The following CDKL5 variants were observed in gnomAD, a reference collection of about 807,000 sequenced individuals.
CDKL5 encodes cyclin dependent kinase like 5, also known as cyclin-dependent kinase-like 5.
A neutral mutation model predicts 61.7 loss-of-function variants in CDKL5; 8 were observed. The ratio of observed to expected loss-of-function variants is 0.13; its 90% CI spans 0.08 to 0.23. The LOEUF (loss-of-function observed/expected upper bound fraction) is 0.23. Among genes scored for constraint, CDKL5 ranks in the 10% least tolerant of loss-of-function variants. CDKL5 has a pLI of 1.00. For synonymous variants in CDKL5, 275 were observed against 272.3 expected, an observed-to-expected ratio of 1.01 and a Z score of -0.10; for missense variants, 440 against 734.5, an observed-to-expected ratio of 0.60 and a Z score of 4.63.
Position 18,629,657 on chromosome X carries a change from G to T in CDKL5, c.*900G>T, listed in dbSNP as rs141675316. 1.8e-3 allele frequency: 1,374 copies of T among 752,217 alleles called. 1 individual carries two copies. The highest frequency in any genetic ancestry group is 2.0e-3 in the Non-Finnish European group (1,285 of 639,072). The allele number at this position is 752,217 out of a possible 1,213,427, so 62.0% of individuals were successfully genotyped here. ...TTTGAGGCCCCAGCAGTAGCCTCTA[G>T]ACATGATCCTTGGTAGCAGACGAGA... On this transcript the variant is annotated 3_prime_UTR_variant, in exon 18 of 18. Transcript: ENST00000623535.
At position 18,548,640 on chromosome X, in the gene CDKL5, A is replaced by T. The variant is rs1924280814; in HGVS notation, c.100-15837A>T. Among the ~76,000 whole-genome samples, 3 of 112,463 alleles carry T rather than the reference A, an allele frequency of 2.7e-5. No homozygotes were observed. The South Asian group carries it at 1.1e-3, about 41-fold the overall frequency. ...TGCTTTGTGAGCACATCTATCAGAA[A>T]GTGTGGTCACAGGATTTCTAGAGAT... On this transcript the variant is annotated intron_variant, in intron 3 of 17. Coordinates refer to ENST00000623535, the MANE Select transcript of CDKL5 (RefSeq NM_001323289.2).
intron 1 of CDKL5, among the ~76,000 whole-genome samples, chrX:18,473,782 G>A (rs1389308320): frequency 9.4e-6 from 1 of 105,961 alleles, no homozygotes; most frequent in Non-Finnish European, 1.9e-5. Context: ...CGCCGATTTC[G>A]GCTCACTGCA....
chrX:18,432,431 A>G (rs914051345), intron 1 of CDKL5, among the ~76,000 whole-genome samples: 2 of 108,690 alleles, frequency 1.8e-5, no homozygotes, highest in Non-Finnish European at 3.8e-5. Flanking sequence ...TAGTAGAGAC[A>G]GGATTTCACC....
At chrX:18,520,912 T>A (rs951385241) in intron 3 of CDKL5, among the ~76,000 whole-genome samples, 1 of 112,087 alleles carries the variant, frequency 8.9e-6, no homozygotes, top group African/African-American at 3.2e-5. Context: ...CTAATTTTTG[T>A]ATTTTTATTA....
chrX:18,541,537 T>G (rs1924023012), intron 3 of CDKL5, among the ~76,000 whole-genome samples: 1 of 111,928 alleles, frequency 8.9e-6, no homozygotes, highest in South Asian at 3.7e-4. Context: ...TGTTGTTCGT[T>G]TTTGTTTTTT....
chrX:18,565,947 C>A (rs927107032), intron 4 of CDKL5, among the ~76,000 whole-genome samples: 1 of 111,828 alleles, frequency 8.9e-6, no homozygotes, highest in Non-Finnish European at 1.9e-5. Flanking sequence ...TGAGCAGTGA[C>A]TTTGGGTCAG....
chrX:18,624,992 G>C, intron 16 of CDKL5, 136 bp from the exon 17 acceptor site: 1 of 566,760 alleles, frequency 1.8e-6, no homozygotes, highest in Non-Finnish European at 3.1e-6. Flanking sequence ...GGAGAGATTG[G>C]GGTTCTATTT....
At chrX:18,644,643 A>T (rs1363802597), downstream of CDKL5, 1 of 1,199,498 alleles carries the variant, frequency 8.3e-7, no homozygotes, top group South Asian at 1.8e-5. Flanking sequence ...GAACATACCG[A>T]GTCACCGAGA....
At chrX:18,525,732 A>T (rs1427911248) in intron 3 of CDKL5, among the ~76,000 whole-genome samples, 1 of 105,793 alleles carries the variant, frequency 9.5e-6, no homozygotes, top group East Asian at 3.0e-4. Flanking sequence ...TGACATCTTA[A>T]CAATATTGAG....
At position 18,630,745 on chromosome X, in the gene CDKL5, T is replaced by A. The variant is rs1404310898; in HGVS notation, c.*1988T>A. 1 of 747,520 alleles carries A rather than the reference T, an allele frequency of 1.3e-6. No homozygotes were observed. Among genetic ancestry groups the A allele is most frequent in the East Asian group, 1.5e-4 (1 of 6,520 alleles). 61.6% of individuals were successfully genotyped at this position (747,520 alleles called of 1,213,427 possible). Reference sequence around the variant, plus strand: ...GACTGGGTACTATTACTGAAAAAATTTGACTCAAACCAATAGTTTTGCATG... The same window carrying A: ...GACTGGGTACTATTACTGAAAAAATATGACTCAAACCAATAGTTTTGCATG... On this transcript the variant is annotated 3_prime_UTR_variant, in exon 18 of 18. Transcript: ENST00000623535.
Position 18,633,896 on chromosome X carries a change from T to C in CDKL5, c.*5139T>C. 1.1e-5 allele frequency: 8 copies of C among 753,835 alleles called. No homozygotes were observed. The highest frequency in any genetic ancestry group is 1.1e-5 in the Non-Finnish European group (7 of 639,142). 62.1% of individuals were successfully genotyped at this position (753,835 alleles called of 1,213,427 possible). A position where few individuals can be genotyped will look rare whatever the true frequency, so the allele number is the denominator to read the frequency against. ...TACTGTAGGCTATTAAATATGATCA[T>C]GACCCGCCTTGCATTTTCATTCATC... On this transcript the variant is annotated 3_prime_UTR_variant, in exon 18 of 18. Coordinates refer to ENST00000623535, the MANE Select transcript of CDKL5 (RefSeq NM_001323289.2).
downstream of CDKL5, chrX:18,644,588 A>C: frequency 8.3e-7 from 1 of 1,211,471 alleles, no homozygotes; most frequent in Non-Finnish European, 1.1e-6. Flanking sequence ...ATCTGTAACC[A>C]CTGGCTACTG....
At chrX:18,537,010 C>G (rs749580141) in intron 3 of CDKL5, among the ~76,000 whole-genome samples, 4 of 95,410 alleles carry the variant, frequency 4.2e-5, no homozygotes, top group African/African-American at 1.6e-4. Context: ...TTTTTTTTAA[C>G]TGTTGTACTT....
intron 3 of CDKL5, among the ~76,000 whole-genome samples, chrX:18,553,533 C>T (rs1012817154): frequency 2.8e-5 from 3 of 108,186 alleles, no homozygotes; most frequent in East Asian, 5.8e-4. Flanking sequence ...TCTGTCTGCC[C>T]GGTGGCTGGA....
Position 18,629,538 on chromosome X carries a change from T to C in CDKL5, c.*781T>C. On this transcript the variant is annotated 3_prime_UTR_variant, in exon 18 of 18. Transcript: ENST00000623535. ...GTTATGACACTATCTGCCATATTTTTATACATTTGTGATATGAAGTGAGTA... is the reference window on the plus strand; with the variant it reads ...GTTATGACACTATCTGCCATATTTTCATACATTTGTGATATGAAGTGAGTA... 1 of 719,901 alleles carries C rather than the reference T, an allele frequency of 1.4e-6. No individual in the cohort carries two copies. The highest frequency in any genetic ancestry group is 1.6e-6 in the Non-Finnish European group (1 of 608,153). The allele number at this position is 719,901 out of a possible 1,213,427, so 59.3% of individuals were successfully genotyped here. A position where few individuals can be genotyped will look rare whatever the true frequency, so the allele number is the denominator to read the frequency against.
chrX:18,493,913 T>G (rs1312872879), intron 1 of CDKL5, among the ~76,000 whole-genome samples: 1 of 111,930 alleles, frequency 8.9e-6, no homozygotes, highest in African/African-American at 3.2e-5. Context: ...GAACTCTGAG[T>G]TTCTCTGATC....
intron 1 of CDKL5, among the ~76,000 whole-genome samples, chrX:18,427,101 G>A (rs1391812508): frequency 9.0e-6 from 1 of 111,180 alleles, no homozygotes; most frequent in Admixed American, 9.7e-5. Flanking sequence ...TAAAAAAGGC[G>A]TGCTGCTTTT....
At chrX:18,582,217 A>G (rs987977004) in intron 7 of CDKL5, among the ~76,000 whole-genome samples, 2 of 110,504 alleles carry the variant, frequency 1.8e-5, no homozygotes, top group Non-Finnish European at 3.8e-5. Context: ...ATATCTAATG[A>G]CTTCACAAAA....
Position 18,439,080 on chromosome X carries a change from T to C in CDKL5, c.-163+13385T>C, listed in dbSNP as rs775221895. On this transcript the variant is annotated intron_variant, in intron 1 of 17. Coordinates refer to ENST00000623535, the MANE Select transcript of CDKL5 (RefSeq NM_001323289.2). ...CCGCCCCCCACCATTTCCTCATGTC[T>C]GTATCTTCTTCCTTGTGCAGTGGTA... Among the ~76,000 whole-genome samples, 129 of 55,492 alleles carry C rather than the reference T, an allele frequency of 2.3e-3. 1 individual carries two copies. Among genetic ancestry groups the C allele is most frequent in the Non-Finnish European group, 3.6e-3 (111 of 31,241 alleles). The allele number at this position is 55,492 out of a possible 115,157, so 48.2% of individuals were successfully genotyped here.
Sources: gnomAD v4.1 joint callset for allele counts (sites outside exome capture counted in the v4.1 genomes callset) on GRCh38, gnomAD v4.1.1 for gene constraint, MANE v1.5 for transcripts, NCBI Gene and HGNC (gene_info 2026-07-23, HGNC 2026-07-21) for gene names.